Variants in HSPH1 observed in about 807,000 individuals in gnomAD.
The protein encoded by HSPH1 is heat shock protein family H (Hsp110) member 1, also known as heat shock protein 105 kDa.
A neutral mutation model predicts 100.0 loss-of-function variants in HSPH1; 40 were observed. The observed-to-expected ratio is 0.40, with a 90% CI of 0.31 to 0.52. The LOEUF (loss-of-function observed/expected upper bound fraction) is 0.52. Among genes scored for constraint, HSPH1 ranks in the 20% least tolerant of loss-of-function variants. The pLI is 0.54. For synonymous variants in HSPH1, 403 were observed against 344.0 expected, an observed-to-expected ratio of 1.17 and a Z score of -1.90; for missense variants, 876 against 1,015.1, an observed-to-expected ratio of 0.86 and a Z score of 1.86.
Position 31,156,615 on chromosome 13 carries a change from C to T in HSPH1, c.166-961G>A, listed in dbSNP as rs113201707. Among the ~76,000 whole-genome samples the T allele has an allele frequency of 7.6e-4, 115 of 152,008 alleles. 1 individual carries two copies. The highest frequency in any genetic ancestry group is 1.2e-3 in the Non-Finnish European group (80 of 67,980). Reference sequence around the variant, plus strand: ...TTTTATAGTCTAATAAATTGCTAAGCGGCCAGGATAAACACTCTGTGCCAG... The same window carrying T: ...TTTTATAGTCTAATAAATTGCTAAGTGGCCAGGATAAACACTCTGTGCCAG... On this transcript the variant is annotated intron_variant, in intron 2 of 17. Transcript: ENST00000320027.
In HSPH1 at chr13:31,136,525, T is replaced by C. The variant is rs1458713231; in HGVS notation, c.*793A>G. ...ATTTTCACTTAGAAAAGAGAGAACA[T>C]AAGCAGTAAAAAAGAAAAACTGGAC... On this transcript the variant is annotated 3_prime_UTR_variant, in exon 18 of 18. Coordinates refer to ENST00000320027, the MANE Select transcript of HSPH1 (RefSeq NM_006644.4). 6.6e-6 allele frequency: 1 copy of C among 152,424 alleles called. No individual in the cohort carries two copies. The highest frequency in any genetic ancestry group is 1.5e-5 in the Non-Finnish European group (1 of 68,004). 9.4% of individuals were successfully genotyped at this position (152,424 alleles called of 1,614,324 possible).
intron 17 of HSPH1, 121 bp downstream of exon 17, chr13:31,138,286 C>T: frequency 1.1e-6 from 1 of 869,824 alleles, no homozygotes. Flanking sequence ...CTAAGAAAAG[C>T]TGGTTTCAGT....
intron 3 of HSPH1, among the ~76,000 whole-genome samples, chr13:31,154,984 G>C (rs1024105144): frequency 1.3e-4 from 20 of 152,062 alleles, no homozygotes; most frequent in African/African-American, 4.8e-4. Context: ...TCTACCTAAA[G>C]ATGAAGAGGA....
upstream of HSPH1, chr13:31,161,977 C>G (rs1017214584): frequency 1.3e-6 from 2 of 1,536,066 alleles, no homozygotes; most frequent in Non-Finnish European, 8.7e-7. Flanking sequence ...GCGGCATTTA[C>G]TCACCGGCGC....
chr13:31,142,416 T>C (rs988701811), intron 12 of HSPH1, among the ~76,000 whole-genome samples: 6 of 152,146 alleles, frequency 3.9e-5, no homozygotes, highest in Admixed American at 2.6e-4. Flanking sequence ...CCCCACATCA[T>C]TTTCCTGCTA....
intron 3 of HSPH1, among the ~76,000 whole-genome samples, 184 bp from the exon 4 acceptor site, chr13:31,154,939 G>T (rs1245050434): frequency 6.6e-6 from 1 of 151,614 alleles, no homozygotes; most frequent in East Asian, 1.9e-4. Context: ...GGGAGAGAAA[G>T]GAAAAGAGAA....
intron 11 of HSPH1, among the ~76,000 whole-genome samples, chr13:31,144,687 T>C (rs1956210269): frequency 6.6e-6 from 1 of 152,138 alleles, no homozygotes; most frequent in South Asian, 2.1e-4. Context: ...CTCTCATATT[T>C]TTCTTCTAAG....
rs374805413 is a variant in HSPH1 at position 31,137,268 on chromosome 13, T to C, written c.*50A>G. ...CAGTATGTTATGTAGAGTCACATAC[T>C]ATGGCAAAAATATTTTATTAATTGA... On this transcript the variant is annotated 3_prime_UTR_variant, in exon 18 of 18. Coordinates refer to ENST00000320027, the MANE Select transcript of HSPH1 (RefSeq NM_006644.4). 18 of 1,149,832 alleles carry C rather than the reference T, an allele frequency of 1.6e-5. No individual in the cohort carries two copies. In the East Asian group the frequency reaches 3.7e-4, roughly 24 times the overall value. The allele number at this position is 1,149,832 out of a possible 1,614,324, so 71.2% of individuals were successfully genotyped here. A position where few individuals can be genotyped will look rare whatever the true frequency, so the allele number is the denominator to read the frequency against.
chr13:31,161,325 G>T (rs200788991), intron 1 of HSPH1, 151 bp downstream of exon 1: 26 of 1,366,830 alleles, frequency 1.9e-5, no homozygotes, highest in Non-Finnish European at 2.5e-5. Flanking sequence ...TCCTCTGGCC[G>T]GGTCGCTGGT....
Position 31,143,855 on chromosome 13 carries a change from G to C in HSPH1, c.1653C>G (p.Thr551=). Reference sequence around the variant, plus strand: ...GTTCAGGTGAAGGGGGAGACTGTGAGGTTTGTTGAGCATCAGTTTGTACCT... The same window carrying C: ...GTTCAGGTGAAGGGGGAGACTGTGACGTTTGTTGAGCATCAGTTTGTACCT... ...QPQVQTDAQQ[T]SQSPPSPELT... is the part of the protein sequence containing the mutation. Residue 551 remains threonine, a synonymous_variant, in exon 12 of 18, where the codon ACC becomes ACG. Coordinates refer to ENST00000320027, the MANE Select transcript of HSPH1 (RefSeq NM_006644.4). 6.2e-7 allele frequency: 1 copy of C among 1,611,726 alleles called. No individual in the cohort carries two copies. The highest frequency in any genetic ancestry group is 8.5e-7 in the Non-Finnish European group (1 of 1,178,606).
chr13:31,156,276 G>C (rs1455697925), intron 2 of HSPH1, among the ~76,000 whole-genome samples: 4 of 152,148 alleles, frequency 2.6e-5, no homozygotes, highest in African/African-American at 7.2e-5. Context: ...TGCAGTCCCA[G>C]CTACTCGGGA....
chr13:31,161,700 G>GC lies in HSPH1; in HGVS notation c.-119_-118insG. The stretch of plus-strand genomic sequence containing the variant: ...CGTTCTGCTCCGGCCCGCGGGGTCT[G>GC]GCCGTTCCTCTGACACTCAGAAGGA... On this transcript the variant is annotated 5_prime_UTR_variant, in exon 1 of 18. Transcript: ENST00000320027. The GC allele has an allele frequency of 1.9e-6, 3 of 1,539,914 alleles. No homozygotes were observed. In the East Asian group the frequency reaches 7.3e-5, roughly 37 times the overall value.
rs755215123 is a variant in HSPH1, at chr13:31,135,099, A to C, written c.*2219T>G. Reference sequence around the variant, plus strand: ...CATATCTTTGAGATCCTCGATGATTACTAGGTATATATCACAACTGTTTGA... The same window carrying C: ...CATATCTTTGAGATCCTCGATGATTCCTAGGTATATATCACAACTGTTTGA... On this transcript the variant is annotated 3_prime_UTR_variant, in exon 18 of 18. Transcript: ENST00000320027. 6 of 152,238 alleles carry C rather than the reference A, an allele frequency of 3.9e-5. No individual in the cohort carries two copies. Among genetic ancestry groups the C allele is most frequent in the Non-Finnish European group, 7.3e-5 (5 of 68,034 alleles). 9.4% of individuals were successfully genotyped at this position (152,238 alleles called of 1,614,324 possible). A position where few individuals can be genotyped will look rare whatever the true frequency, so the allele number is the denominator to read the frequency against.
In HSPH1 at chr13:31,139,047, C is replaced by T. The variant is rs1357378894; in HGVS notation, c.2041G>A (p.Glu681Lys). Residue 681 changes from glutamate to lysine, a missense_variant, in exon 15 of 18, where the codon GAG becomes AAG. Coordinates refer to ENST00000320027, the MANE Select transcript of HSPH1 (RefSeq NM_006644.4). Reference sequence around the variant, plus strand: ...ACATATGCTTGTTTAGCTTGGTCCTCTCCTTCTTCATACAGCCAGTCTTCA... The same window carrying T: ...ACATATGCTTGTTTAGCTTGGTCCTTTCCTTCTTCATACAGCCAGTCTTCA... ...ETEDWLYEEG[E>K]DQAKQAYVDK... 5 of 1,613,180 alleles carry T rather than the reference C, an allele frequency of 3.1e-6. No homozygotes were observed. The highest frequency in any genetic ancestry group is 3.3e-4 in the Middle Eastern group (2 of 6,074).
chr13:31,161,887 G>A lies in HSPH1; in HGVS notation c.-305C>T, dbSNP rs1251691675. The A allele has an allele frequency of 1.1e-5, 17 of 1,492,554 alleles. No homozygotes were observed. Among genetic ancestry groups the A allele is most frequent in the Admixed American group, 2.1e-5 (1 of 46,720 alleles). The allele number at this position is 1,492,554 out of a possible 1,614,324, so 92.5% of individuals were successfully genotyped here. The stretch of plus-strand genomic sequence containing the variant: ...TGCCGCGGCTCGCACACCGGCGCCG[G>A]CGCTGAACTACCGACCCAAAAGGGG... On this transcript the variant is annotated 5_prime_UTR_variant, in exon 1 of 18. Coordinates refer to ENST00000320027, the MANE Select transcript of HSPH1 (RefSeq NM_006644.4).
Position 31,154,737 on chromosome 13 carries a change from C to T in HSPH1, c.325G>A (p.Glu109Lys). The change falls in exon 4 of 18, where the codon GAA (glutamate) becomes AAA (lysine). Residue 109 changes from glutamate to lysine, a missense_variant. By Grantham distance (56) the Glu-to-Lys change is moderately conservative (BLOSUM62 1). Coordinates refer to ENST00000320027, the MANE Select transcript of HSPH1 (RefSeq NM_006644.4). ...VGIKVMYMGEEHLFSVEQITA... is the reference protein window; with the variant it reads ...VGIKVMYMGEKHLFSVEQITA... ...ATCTGCTCCACACTAAATAGATGTT[C>T]TTCACCCATGTACATTACCTATATT... The T allele has an allele frequency of 6.2e-7, 1 of 1,613,626 alleles. No individual in the cohort carries two copies. The highest frequency in any genetic ancestry group is 8.5e-7 in the Non-Finnish European group (1 of 1,179,648).
chr13:31,141,072 C>A (rs1956071561), intron 13 of HSPH1, 50 bp downstream of exon 13: 2 of 1,215,036 alleles, frequency 1.6e-6, no homozygotes, highest in African/African-American at 1.6e-5. Context: ...ATATCAGGGC[C>A]AAGAAACTAA....
upstream of HSPH1, chr13:31,161,985 C>T (rs1385066474): frequency 2.6e-6 from 4 of 1,536,004 alleles, no homozygotes; most frequent in Non-Finnish European, 3.5e-6. Flanking sequence ...TACTCACCGG[C>T]GCCTCCACCG....
chr13:31,151,059 G>A lies in HSPH1; in HGVS notation c.796C>T (p.Leu266=), dbSNP rs1340373475. 1 of 1,613,820 alleles carries A rather than the reference G, an allele frequency of 6.2e-7. No homozygotes were observed. Residue 266 remains leucine, a synonymous_variant, in exon 7 of 18, where the codon CTG becomes TTG. Coordinates refer to ENST00000320027, the MANE Select transcript of HSPH1 (RefSeq NM_006644.4). ...AKSKIRALLR[L]YQECEKLKKL... ...TTCAGTTTTTCACATTCCTGATACA[G>A]ACGTAGGAGTGCTCGTATTTTGGAT...
Sources: allele counts gnomAD v4.1 joint callset (sites outside exome capture counted in the v4.1 genomes callset), GRCh38; gene constraint gnomAD v4.1.1; transcripts MANE v1.5; gene names NCBI Gene and HGNC (gene_info 2026-07-23, HGNC 2026-07-21).